LRRC72: variants seen among roughly 807,000 people sequenced by gnomAD.
The protein encoded by LRRC72 is leucine-rich repeat-containing protein 72.
A neutral mutation model predicts 35.8 loss-of-function variants in LRRC72; 41 were observed. The ratio of observed to expected loss-of-function variants is 1.15; its 90% CI spans 0.89 to 1.49. The LOEUF is 1.49. Among genes scored for constraint, LRRC72 ranks in the 40% most tolerant of loss-of-function variants. The probability of loss-of-function intolerance (pLI) is 0.00; values close to 1 mark genes in which losing one functional copy is unlikely to be tolerated. For missense variants in LRRC72, 389 were observed against 330.7 expected, an observed-to-expected ratio of 1.18 and a Z score of -1.37; for synonymous variants, 118 against 119.2, an observed-to-expected ratio of 0.99 and a Z score of 0.07.
intron 7 of LRRC72, 24 bp downstream of exon 7, chr7:16,567,567 A>C (rs1782871113): frequency 1.4e-6 from 2 of 1,415,426 alleles, no homozygotes; most frequent in Non-Finnish European, 9.3e-7. Flanking sequence ...AAAAAAAAAA[A>C]AACAAATTTA....
At chr7:16,548,206 T>C (rs1010510600) in intron 3 of LRRC72, among the ~76,000 whole-genome samples, 1 of 152,174 alleles carries the variant, frequency 6.6e-6, no homozygotes, top group Non-Finnish European at 1.5e-5. Flanking sequence ...TATTGCTCAG[T>C]AAATCTCCCC....
At chr7:16,558,709 A>T (rs1006946066) in intron 4 of LRRC72, among the ~76,000 whole-genome samples, 180 bp from the exon 5 acceptor site, 51 of 152,118 alleles carry the variant, frequency 3.4e-4, no homozygotes, top group African/African-American at 1.2e-3. Flanking sequence ...GCCTTATTGT[A>T]TTCTTAATAA....
At chr7:16,555,266 T>C (rs778632711) in intron 3 of LRRC72, among the ~76,000 whole-genome samples, 1 of 152,214 alleles carries the variant, frequency 6.6e-6, no homozygotes, top group South Asian at 2.1e-4. Flanking sequence ...TATAGCTTCA[T>C]AATTTGTGAA....
chr7:16,556,354 C>A (rs1487442242), intron 3 of LRRC72, among the ~76,000 whole-genome samples: 1 of 152,106 alleles, frequency 6.6e-6, no homozygotes, highest in Non-Finnish European at 1.5e-5. Flanking sequence ...CTCTAGTGTT[C>A]AAGTGATTAA....
intron 3 of LRRC72, among the ~76,000 whole-genome samples, chr7:16,550,928 A>G (rs1235130340): frequency 2.6e-5 from 4 of 152,116 alleles, no homozygotes; most frequent in Non-Finnish European, 4.4e-5. Flanking sequence ...ACTTCCTTCA[A>G]TTCCCCGGAG....
chr7:16,566,193 G>A (rs499608), intron 5 of LRRC72, 120 bp from the exon 6 acceptor site: 359,108 of 589,438 alleles, frequency 0.61, 113,282 homozygotes, highest in African/African-American at 0.87. Context: ...GCTTGATATG[G>A]AGAAGAGCTT....
chr7:16,549,340 G>T (rs915492354), intron 3 of LRRC72, among the ~76,000 whole-genome samples: 1 of 152,182 alleles, frequency 6.6e-6, no homozygotes, highest in Admixed American at 6.5e-5. Flanking sequence ...TTATCGAAAA[G>T]ATATTGGATA....
intron 1 of LRRC72, among the ~76,000 whole-genome samples, chr7:16,527,272 G>T (rs539205577): frequency 2.0e-5 from 3 of 152,322 alleles, no homozygotes; most frequent in Admixed American, 6.5e-5. Context: ...ACCCCCCTCA[G>T]CATCTCTGCC....
intron 7 of LRRC72, among the ~76,000 whole-genome samples, chr7:16,570,317 A>T (rs1437843010): frequency 6.6e-6 from 1 of 152,224 alleles, no homozygotes. Flanking sequence ...CCCTTGAGAC[A>T]GGTCTTATCA....
intron 3 of LRRC72, among the ~76,000 whole-genome samples, chr7:16,551,563 G>A (rs1442167899): frequency 6.6e-6 from 1 of 152,112 alleles, no homozygotes; most frequent in Non-Finnish European, 1.5e-5. Context: ...ATCACCAATG[G>A]CCAATGATTT....
chr7:16,567,489 T>A lies in LRRC72; in HGVS notation c.616T>A (p.Ser206Thr), dbSNP rs1033323251. 2.6e-6 allele frequency: 4 copies of A among 1,525,648 alleles called. No homozygotes were observed. In the African/African-American group the frequency reaches 5.6e-5, roughly 21 times the overall value. The allele number at this position is 1,525,648 out of a possible 1,614,324, so 94.5% of individuals were successfully genotyped here. ...AGCATTCGGAGGAAAAGTGGATGCT[T>A]CATGGGATCCTAAATCACCATTTAA... ...SIAFGGKVDA[S>T]WDPKSPFKQK... The change falls in exon 7 of 9, where the codon TCA (serine) becomes ACA (threonine). Residue 206 changes from serine (S) to threonine (T), a missense_variant. By Grantham distance (58) the Ser-to-Thr change is moderately conservative. Transcript: ENST00000401542.
At chr7:16,532,329 G>A (rs1212807434) in intron 1 of LRRC72, among the ~76,000 whole-genome samples, 166 bp from the exon 2 acceptor site, 2 of 152,104 alleles carry the variant, frequency 1.3e-5, no homozygotes, top group Non-Finnish European at 2.9e-5. Flanking sequence ...ACAAAAATGA[G>A]TAAATAATAT....
At chr7:16,574,798 A>G (rs1199715228) in intron 7 of LRRC72, among the ~76,000 whole-genome samples, 3 of 151,540 alleles carry the variant, frequency 2.0e-5, no homozygotes, top group Non-Finnish European at 2.9e-5. Flanking sequence ...AAAGTATAAT[A>G]AAATATATAT....
Position 16,564,111 on chromosome 7 carries a change from G to A in LRRC72, c.428-2202G>A, listed in dbSNP as rs534721208. 2.6e-5 allele frequency among the ~76,000 whole-genome samples: 4 copies of A among 152,312 alleles called. No individual in the cohort carries two copies. In the South Asian group the frequency reaches 8.3e-4, roughly 32 times the overall value. On this transcript the variant is annotated intron_variant, in intron 5 of 8. Transcript: ENST00000401542. ...GACGAAGGGTACACCTAGAGAAAAC[G>A]TCATTGAAAGATGTTGGTATATTTT...
At chr7:16,535,798 C>A (rs1355669948) in intron 2 of LRRC72, among the ~76,000 whole-genome samples, 1 of 152,138 alleles carries the variant, frequency 6.6e-6, no homozygotes, top group Non-Finnish European at 1.5e-5. Context: ...AGGAAACAAT[C>A]CAAAAAATCA....
intron 7 of LRRC72, among the ~76,000 whole-genome samples, chr7:16,574,521 C>T (rs1330673591): frequency 6.6e-6 from 1 of 152,094 alleles, no homozygotes; most frequent in Non-Finnish European, 1.5e-5. Flanking sequence ...AGCTGGAAAC[C>T]ATCATTCTGA....
chr7:16,559,052 A>G, intron 5 of LRRC72, 53 bp downstream of exon 5: 4 of 1,083,100 alleles, frequency 3.7e-6, no homozygotes, highest in Non-Finnish European at 5.4e-6. Context: ...TTAACATAAG[A>G]CATTTTTCCA....
intron 5 of LRRC72, among the ~76,000 whole-genome samples, chr7:16,560,960 T>C (rs1251494766): frequency 2.0e-5 from 3 of 152,164 alleles, no homozygotes; most frequent in Non-Finnish European, 4.4e-5. Context: ...TATGATGTGA[T>C]TAGAATTACT....
At chr7:16,566,784 G>A (rs923996553) in intron 6 of LRRC72, among the ~76,000 whole-genome samples, 11 of 152,176 alleles carry the variant, frequency 7.2e-5, no homozygotes, top group Admixed American at 3.3e-4. Flanking sequence ...TCTAAAAGTC[G>A]TGATTTAAAA....
Sources: gnomAD v4.1 joint callset for allele counts (sites outside exome capture counted in the v4.1 genomes callset) on GRCh38, gnomAD v4.1.1 for gene constraint, MANE v1.5 for transcripts, NCBI Gene and HGNC (gene_info 2026-07-23, HGNC 2026-07-21) for gene names.